The following DSCAM variants were observed in gnomAD, a reference collection of about 807,000 sequenced individuals.
DSCAM encodes the protein DS cell adhesion molecule, also known as cell adhesion molecule DSCAM.
DSCAM carries 47 observed loss-of-function variants against 217.7 expected under a neutral mutation model. The observed-to-expected ratio is 0.22, with a 90% CI of 0.17 to 0.28. The LOEUF is 0.28. Among genes scored for constraint, DSCAM ranks in the 10% least tolerant of loss-of-function variants. The pLI is 1.00. For synonymous variants in DSCAM, 1,056 were observed against 1,015.3 expected (o/e 1.04, Z -0.76); for missense variants, 2,080 against 2,618.3 (o/e 0.79, Z 4.49).
chr21:40,819,712 G>A (rs1433208663), intron 1 of DSCAM, among the ~76,000 whole-genome samples: 1 of 152,188 alleles, frequency 6.6e-6, no homozygotes, highest in Non-Finnish European at 1.5e-5. Context: ...TCATGAATAT[G>A]TTTGCCATGA....
intron 3 of DSCAM, among the ~76,000 whole-genome samples, chr21:40,584,550 C>T (rs933934131): frequency 3.3e-5 from 5 of 152,106 alleles, no homozygotes; most frequent in East Asian, 1.9e-4. Flanking sequence ...CTGCAGTCTG[C>T]GAAGTGCTTT....
At chr21:40,121,691 T>C (rs1474783537) in intron 20 of DSCAM, among the ~76,000 whole-genome samples, 3 of 108,638 alleles carry the variant, frequency 2.8e-5, no homozygotes, top group African/African-American at 1.1e-4. Context: ...CTTTTTTTTT[T>C]TTTTTTTTTT....
intron 3 of DSCAM, among the ~76,000 whole-genome samples, chr21:40,399,165 G>A (rs1036284480): frequency 8.5e-5 from 13 of 152,168 alleles, no homozygotes; most frequent in African/African-American, 3.1e-4. Flanking sequence ...AGCTACTTGG[G>A]AGGCTGAGGC....
rs114376482 is a variant in DSCAM, at chr21:40,525,455, C to G, written c.509-156210G>C. 9.3e-3 allele frequency among the ~76,000 whole-genome samples: 1,421 copies of G among 152,266 alleles called. 29 individuals carry two copies. The highest frequency in any genetic ancestry group is 0.031 in the African/African-American group (1,308 of 41,544). On this transcript the variant is annotated intron_variant, in intron 3 of 32. Coordinates refer to ENST00000400454, the MANE Select transcript of DSCAM (RefSeq NM_001389.5). ...AGCTACACCACGGGGGTTCATCATA[C>G]AAAGTGGGTCTTTGTGTTACAGATC...
intron 3 of DSCAM, among the ~76,000 whole-genome samples, chr21:40,666,508 T>G (rs2090201661): frequency 6.6e-6 from 1 of 152,208 alleles, no homozygotes; most frequent in African/African-American, 2.4e-5. Context: ...CTGAGCCCAC[T>G]CTGTTCACCA....
rs188317755 is a variant in DSCAM at position 40,517,244 on chromosome 21, T to C, written c.509-147999A>G. ...TATATGCATCCACACACACACCTTA[T>C]GTGTGTATATATATACCTTATATAT... On this transcript the variant is annotated intron_variant, in intron 3 of 32. Coordinates refer to ENST00000400454, the MANE Select transcript of DSCAM (RefSeq NM_001389.5). Among the ~76,000 whole-genome samples the C allele has an allele frequency of 3.3e-5, 5 of 149,438 alleles. No homozygotes were observed. In the East Asian group the frequency reaches 7.8e-4, roughly 23 times the overall value.
At chr21:40,369,344 A>G (rs2123698526) in intron 3 of DSCAM, 99 bp from the exon 4 acceptor site, 2 of 1,272,790 alleles carry the variant, frequency 1.6e-6, no homozygotes, top group South Asian at 3.2e-5. Context: ...CCCCACCTGA[A>G]GAAACTTAAT....
intron 1 of DSCAM, among the ~76,000 whole-genome samples, chr21:40,777,242 C>G (rs1376422799): frequency 6.6e-6 from 1 of 152,158 alleles, no homozygotes; most frequent in Non-Finnish European, 1.5e-5. Context: ...GAGAGCTCCA[C>G]ACTTATGACC....
chr21:40,075,001 G>C, intron 27 of DSCAM, 36 bp downstream of exon 27: 3 of 1,608,162 alleles, frequency 1.9e-6, no homozygotes, highest in Non-Finnish European at 2.5e-6. Flanking sequence ...GAGCAGCAGG[G>C]GACACGCGTA....
intron 3 of DSCAM, among the ~76,000 whole-genome samples, chr21:40,479,998 T>A (rs568479270): frequency 6.6e-6 from 1 of 152,338 alleles, no homozygotes; most frequent in African/African-American, 2.4e-5. Context: ...GTTTACCATG[T>A]CATTTATTTA....
chr21:40,626,900 T>C (rs1255679805), intron 3 of DSCAM, among the ~76,000 whole-genome samples: 5 of 152,242 alleles, frequency 3.3e-5, no homozygotes, highest in African/African-American at 9.6e-5. Flanking sequence ...GCGAATGCTA[T>C]AAAACTTGAA....
intron 30 of DSCAM, among the ~76,000 whole-genome samples, chr21:40,049,326 C>T (rs960487761): frequency 1.3e-5 from 2 of 152,112 alleles, no homozygotes; most frequent in African/African-American, 4.8e-5. Flanking sequence ...GTGCCACTTC[C>T]ATCCTCATCA....
intron 3 of DSCAM, among the ~76,000 whole-genome samples, chr21:40,490,058 G>A (rs906789679): frequency 2.0e-5 from 3 of 152,152 alleles, no homozygotes; most frequent in Non-Finnish European, 2.9e-5. Context: ...AGGTGGATGA[G>A]AAGCAGAATC....
At chr21:40,729,075 G>T (rs2090986564) in intron 1 of DSCAM, among the ~76,000 whole-genome samples, 1 of 152,192 alleles carries the variant, frequency 6.6e-6, no homozygotes, top group African/African-American at 2.4e-5. Context: ...TATTGCTTCT[G>T]TTCTTGGCAT....
chr21:40,067,759 T>G (rs1298669362), intron 27 of DSCAM, among the ~76,000 whole-genome samples: 1 of 57,668 alleles, frequency 1.7e-5, no homozygotes. Flanking sequence ...CCTCCCTCCC[T>G]CCCTCCCTCC....
Position 40,141,975 on chromosome 21 carries a change from T to TACACACACACACACACACACAC in DSCAM, c.3406+561_3406+582dup, listed in dbSNP as rs72076559. ...GAACATTTTGCCCTACCACTTGAAA[T>TACACACACACACACACACACAC]ACACACACACACACACACACACACG... is the stretch of plus-strand genomic sequence containing the variant. On this transcript the variant is annotated intron_variant, in intron 18 of 32. Transcript: ENST00000400454. Among the ~76,000 whole-genome samples the TACACACACACACACACACACAC allele has an allele frequency of 7.3e-3, 1,045 of 143,184 alleles. 10 individuals are homozygous for TACACACACACACACACACACAC. The highest frequency in any genetic ancestry group is 0.011 in the South Asian group (47 of 4,470). The allele number at this position is 143,184 out of a possible 152,430, so 93.9% of individuals were successfully genotyped here. A position where few individuals can be genotyped will look rare whatever the true frequency, so the allele number is the denominator to read the frequency against.
At chr21:40,029,526 G>A (rs1017229089) in intron 32 of DSCAM, among the ~76,000 whole-genome samples, 4 of 151,852 alleles carry the variant, frequency 2.6e-5, no homozygotes, top group Non-Finnish European at 5.9e-5. Flanking sequence ...TTTAATTTTA[G>A]GATCCATTCA....
Position 40,144,524 on chromosome 21 carries a change from A to G in DSCAM, c.3226T>C (p.Ser1076Pro). The change falls in exon 17 of 33, where the codon TCT (serine) becomes CCT (proline). Residue 1076 changes from serine to proline, a missense_variant. Ser to Pro is a moderately conservative substitution (Grantham distance 74). This residue lies in a region of DSCAM where 1,144 missense variants were observed against 1,421.1 expected (regional missense o/e 0.81). Transcript: ENST00000400454. The surrounding 1 kb of genome is among the most constrained non-coding windows in gnomAD (Gnocchi z 4.8). ...ACNRAGTGPS[S>P]QEIITTTLED... Reference sequence around the variant, plus strand: ...AGAGTGGTGGTGATGATTTCCTGAGAAGAAGGCCCCGTGCCGGCCCGGTTA... The same window carrying G: ...AGAGTGGTGGTGATGATTTCCTGAGGAGAAGGCCCCGTGCCGGCCCGGTTA... The G allele has an allele frequency of 6.2e-7, 1 of 1,614,158 alleles. No individual in the cohort carries two copies. Among genetic ancestry groups the G allele is most frequent in the Non-Finnish European group, 8.5e-7 (1 of 1,180,024 alleles).
chr21:40,444,192 G>A (rs982414221), intron 3 of DSCAM, among the ~76,000 whole-genome samples: 2 of 152,098 alleles, frequency 1.3e-5, no homozygotes, highest in African/African-American at 4.8e-5. Context: ...CTAGATTGTG[G>A]CCAATCTATC....
Sources: allele counts gnomAD v4.1 joint callset (sites outside exome capture counted in the v4.1 genomes callset), GRCh38; gene constraint gnomAD v4.1.1; regional missense constraint gnomAD v4.1.1; non-coding constraint Gnocchi (gnomAD v3.1); transcripts MANE v1.5; gene names NCBI Gene and HGNC (gene_info 2026-07-23, HGNC 2026-07-21).